Variants in FSTL5 observed in about 807,000 individuals in gnomAD.
The protein encoded by FSTL5 is follistatin like 5, also known as follistatin-related protein 5.
A neutral mutation model predicts 89.1 loss-of-function variants in FSTL5; 62 were observed. That is an observed-to-expected ratio of 0.70 (90% CI 0.57 to 0.86). The LOEUF (loss-of-function observed/expected upper bound fraction) is 0.86. Among genes scored for constraint, FSTL5 ranks in the 40% least tolerant of loss-of-function variants. The pLI, the probability that FSTL5 is intolerant of heterozygous loss-of-function variation, is 0.00. For missense variants in FSTL5, 1,057 were observed against 1,001.6 expected (o/e 1.06, Z -0.75); for synonymous variants, 383 against 346.2 (o/e 1.11, Z -1.18).
At chr4:161,887,446 T>C (rs552554305) in intron 4 of FSTL5, among the ~76,000 whole-genome samples, 2 of 151,318 alleles carry the variant, frequency 1.3e-5, no homozygotes, top group East Asian at 3.9e-4. Context: ...ACCTATCATC[T>C]ATAATCTATC....
At chr4:161,949,190 T>C (rs1050227915) in intron 3 of FSTL5, among the ~76,000 whole-genome samples, 1 of 152,086 alleles carries the variant, frequency 6.6e-6, no homozygotes, top group Non-Finnish European at 1.5e-5. Flanking sequence ...CATTTTCTCC[T>C]TTGGCTGTCA....
intron 7 of FSTL5, among the ~76,000 whole-genome samples, chr4:161,642,174 T>G (rs934420028): frequency 2.2e-4 from 33 of 152,248 alleles, no homozygotes; most frequent in South Asian, 6.2e-4. Flanking sequence ...ACTATTTTTT[T>G]TGTGTGTGTG....
intron 6 of FSTL5, among the ~76,000 whole-genome samples, chr4:161,716,829 A>G (rs79930798): frequency 0.02 from 2,993 of 152,262 alleles, 44 homozygotes; most frequent in Non-Finnish European, 0.03. Flanking sequence ...ATTTGTTCAC[A>G]ACATGAATGA....
At chr4:161,896,775 T>C (rs1329005454) in intron 4 of FSTL5, among the ~76,000 whole-genome samples, 1 of 152,214 alleles carries the variant, frequency 6.6e-6, no homozygotes, top group Non-Finnish European at 1.5e-5. Context: ...TAAGACCTTA[T>C]GGAAAATACA....
intron 2 of FSTL5, among the ~76,000 whole-genome samples, chr4:162,101,119 A>G (rs1429805529): frequency 6.6e-6 from 1 of 152,182 alleles, no homozygotes; most frequent in Non-Finnish European, 1.5e-5. Context: ...CTTTTCTTGT[A>G]CCTAGTCCGG....
chr4:161,893,812 A>G (rs1242988920), intron 4 of FSTL5, among the ~76,000 whole-genome samples: 1 of 152,206 alleles, frequency 6.6e-6, no homozygotes, highest in Non-Finnish European at 1.5e-5. Context: ...TCAGTTCTCT[A>G]AATTGACATC....
chr4:161,680,882 G>A (rs569049161), intron 6 of FSTL5, among the ~76,000 whole-genome samples: 532 of 152,106 alleles, frequency 3.5e-3, no homozygotes, highest in African/African-American at 0.012. Flanking sequence ...CAAGATTCAA[G>A]TGAATTCCAT....
intron 5 of FSTL5, among the ~76,000 whole-genome samples, chr4:161,772,412 C>T (rs1487156111): frequency 6.6e-6 from 1 of 152,064 alleles, no homozygotes; most frequent in Non-Finnish European, 1.5e-5. Flanking sequence ...CAAACTGTCG[C>T]TGTTTGCTGA....
At chr4:161,982,363 A>G (rs887702653) in intron 3 of FSTL5, among the ~76,000 whole-genome samples, 3 of 152,210 alleles carry the variant, frequency 2.0e-5, no homozygotes, top group African/African-American at 7.2e-5. Context: ...ACCTGTAAAA[A>G]TGTCTGTTGT....
chr4:161,703,392 A>G (rs779349012), intron 6 of FSTL5, among the ~76,000 whole-genome samples: 12 of 152,082 alleles, frequency 7.9e-5, no homozygotes, highest in Non-Finnish European at 1.8e-4. Context: ...CACCAAGTTA[A>G]TAAATTTAAA....
chr4:161,687,505 C>A (rs2126715790), intron 6 of FSTL5, among the ~76,000 whole-genome samples: 1 of 152,234 alleles, frequency 6.6e-6, no homozygotes, highest in South Asian at 2.1e-4. Flanking sequence ...TGGAGACAAA[C>A]ATATCCACTC....
At chr4:161,580,058 G>A (rs762125322) in intron 8 of FSTL5, among the ~76,000 whole-genome samples, 2 of 152,010 alleles carry the variant, frequency 1.3e-5, no homozygotes, top group Non-Finnish European at 2.9e-5. Context: ...ATTTCTCTCA[G>A]AATTTAATAA....
chr4:162,152,869 GA>G (rs34143516), intron 1 of FSTL5, among the ~76,000 whole-genome samples: 15,022 of 142,802 alleles, frequency 0.11, 1,046 homozygotes, highest in African/African-American at 0.2. Flanking sequence ...AAACTGGAAA[GA>G]AAAAAAAAAA....
intron 5 of FSTL5, among the ~76,000 whole-genome samples, chr4:161,764,638 T>TA (rs70937683): frequency 0.2 from 30,684 of 151,930 alleles, 3,132 homozygotes; most frequent in Middle Eastern, 0.31. Context: ...ATATAACATT[T>TA]AAAAAAAATC....
At chr4:161,949,300 A>T (rs547084582) in intron 3 of FSTL5, among the ~76,000 whole-genome samples, 1 of 152,130 alleles carries the variant, frequency 6.6e-6, no homozygotes, top group African/African-American at 2.4e-5. Flanking sequence ...TCCTTCACTC[A>T]ATCACATCTG....
At chr4:161,468,703 A>G (rs1733832500) in intron 13 of FSTL5, among the ~76,000 whole-genome samples, 2 of 152,054 alleles carry the variant, frequency 1.3e-5, no homozygotes, top group South Asian at 2.1e-4. Flanking sequence ...ATTAACTTAT[A>G]TTTTCTCTTT....
chr4:161,418,201 G>A (rs1363970397), intron 15 of FSTL5, among the ~76,000 whole-genome samples: 1 of 152,110 alleles, frequency 6.6e-6, no homozygotes, highest in Non-Finnish European at 1.5e-5. Flanking sequence ...CCTGCTATGG[G>A]ATGGCATCCT....
At chr4:161,608,653 A>G (rs1734538159) in intron 7 of FSTL5, among the ~76,000 whole-genome samples, 1 of 152,138 alleles carries the variant, frequency 6.6e-6, no homozygotes, top group Non-Finnish European at 1.5e-5. Context: ...AGGTTTCTAG[A>G]GTAAATGCAG....
intron 4 of FSTL5, among the ~76,000 whole-genome samples, chr4:161,805,449 T>C (rs897749180): frequency 6.6e-6 from 1 of 152,016 alleles, no homozygotes; most frequent in Non-Finnish European, 1.5e-5. Flanking sequence ...GGTAATAGAT[T>C]AAAAGAGACG....
Sources: allele counts gnomAD v4.1 joint callset (sites outside exome capture counted in the v4.1 genomes callset), GRCh38; gene constraint gnomAD v4.1.1; transcripts MANE v1.5; gene names NCBI Gene and HGNC (gene_info 2026-07-23, HGNC 2026-07-21).